The following FER1L6 variants were observed in gnomAD, a reference collection of about 807,000 sequenced individuals.
The protein encoded by FER1L6 is fer-1 like family member 6.
Under a neutral mutation model 219.2 loss-of-function variants are expected in FER1L6, and 177 were observed. The observed-to-expected ratio is 0.81, with a 90% confidence interval of 0.71 to 0.91. The LOEUF (loss-of-function observed/expected upper bound fraction) is 0.91, where lower values mean the gene tolerates loss of function less well. Ranked by LOEUF, FER1L6 falls within the 40% of genes least tolerant of loss-of-function variation. The pLI, the probability that FER1L6 is intolerant of heterozygous loss-of-function variation, is 0.00. For missense variants in FER1L6, 2,153 were observed against 2,259.9 expected, an observed-to-expected ratio of 0.95 and a Z score of 0.96; for synonymous variants, 768 against 824.3, an observed-to-expected ratio of 0.93 and a Z score of 1.17.
chr8:124,058,014 C>T (rs897144801), intron 22 of FER1L6, among the ~76,000 whole-genome samples: 1 of 152,096 alleles, frequency 6.6e-6, no homozygotes, highest in Non-Finnish European at 1.5e-5. Flanking sequence ...TCTGTGCATG[C>T]CATATTTTAT....
chr8:124,042,791 A>G (rs566479602), intron 20 of FER1L6, among the ~76,000 whole-genome samples: 31 of 152,336 alleles, frequency 2.0e-4, no homozygotes, highest in African/African-American at 7.2e-4. Flanking sequence ...CTGTTCCTGA[A>G]AAACCAGTGC....
chr8:124,101,481 A>AT (rs1261765053), intron 38 of FER1L6, 143 bp downstream of exon 38: 2 of 689,336 alleles, frequency 2.9e-6, no homozygotes, highest in African/African-American at 1.8e-5. Flanking sequence ...CCAAATAGCC[A>AT]TTAATAGGGA....
intron 1 of FER1L6, among the ~76,000 whole-genome samples, chr8:123,920,856 C>T (rs1648402883): frequency 6.6e-6 from 1 of 152,134 alleles, no homozygotes; most frequent in African/African-American, 2.4e-5. Flanking sequence ...TCCTCTCAGC[C>T]CCTGGCAACT....
chr8:123,915,036 C>CTTT (rs56930256), intron 1 of FER1L6, among the ~76,000 whole-genome samples: 3 of 146,868 alleles, frequency 2.0e-5, no homozygotes, highest in Admixed American at 6.8e-5. Context: ...GTATTACATG[C>CTTT]TTTTTTTTTT....
intron 16 of FER1L6, among the ~76,000 whole-genome samples, chr8:124,017,950 T>C (rs963572368): frequency 6.6e-6 from 1 of 152,242 alleles, no homozygotes; most frequent in African/African-American, 2.4e-5. Flanking sequence ...TGATGGAGAA[T>C]AGGTGACCTC....
At position 124,048,964 on chromosome 8, in the gene FER1L6, A is replaced by G. The variant is rs185722691; in HGVS notation, c.2725-643A>G. Among the ~76,000 whole-genome samples the G allele has an allele frequency of 2.1e-3, 326 of 152,084 alleles. 2 individuals carry two copies. Among genetic ancestry groups the G allele is most frequent in the African/African-American group, 7.5e-3 (312 of 41,482 alleles). On this transcript the variant is annotated intron_variant, in intron 21 of 40. Transcript: ENST00000522917. ...TGGATAATGATTTTAACTATATCCT[A>G]CTGAGCTCAATATATGAGAGAGATA... is the stretch of plus-strand genomic sequence containing the variant.
chr8:124,118,318 GGGAACA>G (rs1320025353), intron 39 of FER1L6, among the ~76,000 whole-genome samples: 23 of 152,242 alleles, frequency 1.5e-4, no homozygotes, highest in Admixed American at 5.2e-4. Context: ...CTCTTATTGA[GGGAACA>G]GGAAGAGGGA....
chr8:124,021,533 CTCTTG>C lies in FER1L6; in HGVS notation c.2014-10_2014-6del, dbSNP rs1312481017. ...AGATCTCTCGAAAGACCCACACTGA[CTCTTG>C]TCTTGTTTTAGGAAGCAATGTGCAA... is the stretch of plus-strand genomic sequence containing the variant. On this transcript the variant is annotated splice_polypyrimidine_tract_variant and intron_variant, in intron 16 of 40. Coordinates refer to ENST00000522917, the MANE Select transcript of FER1L6 (RefSeq NM_001039112.2). The C allele has an allele frequency of 3.1e-6, 5 of 1,613,498 alleles. No individual in the cohort carries two copies. The Admixed American group carries it at 8.3e-5, about 27-fold the overall frequency.
chr8:123,970,298 A>G (rs959223727), intron 6 of FER1L6, among the ~76,000 whole-genome samples: 20 of 152,172 alleles, frequency 1.3e-4, no homozygotes, highest in African/African-American at 4.6e-4. Flanking sequence ...AAGAAGATCT[A>G]TGCTTCTTGG....
chr8:124,113,141 CAAAATA>C (rs987973206), intron 39 of FER1L6, among the ~76,000 whole-genome samples: 2 of 152,018 alleles, frequency 1.3e-5, no homozygotes, highest in Admixed American at 1.3e-4. Context: ...TTTATATTCT[CAAAATA>C]AAAATGCCAG....
intron 33 of FER1L6, among the ~76,000 whole-genome samples, chr8:124,087,900 G>A (rs938269449): frequency 2.0e-5 from 3 of 152,134 alleles, no homozygotes; most frequent in African/African-American, 4.8e-5. Context: ...TACAGGCAGA[G>A]ACTCTTTTTC....
chr8:124,031,058 C>T (rs1818943273), intron 18 of FER1L6, among the ~76,000 whole-genome samples: 1 of 151,742 alleles, frequency 6.6e-6, no homozygotes, highest in Admixed American at 6.6e-5. Context: ...TTTTTCCTAC[C>T]TTTCCATGCT....
chr8:123,925,705 C>G (rs1043236129), intron 1 of FER1L6: 3 of 152,162 alleles, frequency 2.0e-5, no homozygotes, highest in African/African-American at 7.2e-5. Flanking sequence ...TTGCCCAGAC[C>G]CCAGAGTGTG....
chr8:124,086,746 C>CTTCT (rs1563791804), intron 33 of FER1L6, among the ~76,000 whole-genome samples: 3 of 152,128 alleles, frequency 2.0e-5, no homozygotes, highest in Admixed American at 2.0e-4. Flanking sequence ...GATTAAAAAA[C>CTTCT]TTCTTTTAGC....
intron 1 of FER1L6, among the ~76,000 whole-genome samples, chr8:123,891,797 A>G (rs1468588714): frequency 6.6e-6 from 1 of 152,230 alleles, no homozygotes; most frequent in African/African-American, 2.4e-5. Flanking sequence ...GTGACAATCA[A>G]AATGAACTGC....
intron 13 of FER1L6, chr8:124,004,052 G>T (rs1016514017): frequency 7.3e-6 from 1 of 136,466 alleles, no homozygotes; most frequent in African/African-American, 2.7e-5. Flanking sequence ...AATTTGATGG[G>T]ATTATTGAAT....
chr8:123,958,280 C>A (rs922713016), intron 2 of FER1L6, among the ~76,000 whole-genome samples: 1 of 152,190 alleles, frequency 6.6e-6, no homozygotes, highest in African/African-American at 2.4e-5. Context: ...TATTCTCCAC[C>A]CTTAGCCAGC....
At chr8:123,992,048 T>C (rs1816884269) in intron 12 of FER1L6, among the ~76,000 whole-genome samples, 1 of 152,206 alleles carries the variant, frequency 6.6e-6, no homozygotes, top group Admixed American at 6.5e-5. Flanking sequence ...TGGAATGTAA[T>C]GCACTTGATC....
intron 1 of FER1L6, among the ~76,000 whole-genome samples, chr8:123,929,227 C>G (rs1415204364): frequency 6.6e-6 from 1 of 152,194 alleles, no homozygotes; most frequent in African/African-American, 2.4e-5. Flanking sequence ...AGTGGCTACT[C>G]TGCCCCATGC....
Sources: gnomAD v4.1 joint callset for allele counts (sites outside exome capture counted in the v4.1 genomes callset) on GRCh38, gnomAD v4.1.1 for gene constraint, MANE v1.5 for transcripts, NCBI Gene and HGNC (gene_info 2026-07-23, HGNC 2026-07-21) for gene names.